SORCS2: variants seen among roughly 807,000 people sequenced by gnomAD.
SORCS2 encodes VPS10 domain-containing receptor SorCS2.
In SORCS2, 100 loss-of-function variants were observed where a neutral mutation model predicts 141.6. The observed-to-expected ratio is 0.71, with a 90% CI of 0.60 to 0.83. The LOEUF is 0.83. Among genes scored for constraint, SORCS2 ranks in the 40% least tolerant of loss-of-function variants. SORCS2 has a pLI of 0.00. For missense variants in SORCS2, 1,646 were observed against 1,560.2 expected, an observed-to-expected ratio of 1.05 and a Z score of -0.93; for synonymous variants, 789 against 676.9, an observed-to-expected ratio of 1.17 and a Z score of -2.57.
chr4:7,360,571 CTTTTTTTTTTTTTT>C (rs753548897), intron 1 of SORCS2, among the ~76,000 whole-genome samples: 2 of 49,272 alleles, frequency 4.1e-5, no homozygotes, highest in African/African-American at 2.0e-4. Context: ...CCAGTCCCTT[CTTTTTTTTTTTTTT>C]TTTTTTTTTT....
At chr4:7,410,867 G>A (rs1293994427) in intron 2 of SORCS2, among the ~76,000 whole-genome samples, 1 of 151,390 alleles carries the variant, frequency 6.6e-6, no homozygotes, top group East Asian at 1.9e-4. Context: ...GACAAGATCT[G>A]AGGTGACTGA....
intron 2 of SORCS2, among the ~76,000 whole-genome samples, chr4:7,403,997 A>ATATATATATATATATATATAT (rs1265288820): frequency 2.6e-4 from 5 of 18,934 alleles, no homozygotes; most frequent in East Asian, 1.3e-3. Context: ...ATATATATAT[A>ATATATATATATATATATATAT]TTTTTTTTTT....
chr4:7,248,133 CGACT>C (rs1224948756), intron 1 of SORCS2, among the ~76,000 whole-genome samples: 2 of 152,168 alleles, frequency 1.3e-5, no homozygotes, highest in Non-Finnish European at 2.9e-5. Flanking sequence ...GCTTAGCCAC[CGACT>C]GTGTGTGGCC....
At chr4:7,285,248 G>T (rs977728894) in intron 1 of SORCS2, among the ~76,000 whole-genome samples, 1 of 151,972 alleles carries the variant, frequency 6.6e-6, no homozygotes, top group African/African-American at 2.4e-5. Context: ...GGTCAGGCTG[G>T]TCTCGAACTC....
chr4:7,342,646 G>T (rs1720430817), intron 1 of SORCS2, among the ~76,000 whole-genome samples: 1 of 152,066 alleles, frequency 6.6e-6, no homozygotes, highest in African/African-American at 2.4e-5. Context: ...TAAACACAGG[G>T]AAGAAGCCCT....
At chr4:7,518,737 C>T (rs1258806915) in intron 2 of SORCS2, among the ~76,000 whole-genome samples, 1 of 152,148 alleles carries the variant, frequency 6.6e-6, no homozygotes, top group Non-Finnish European at 1.5e-5. Flanking sequence ...CCGGTTTTCT[C>T]TCAGCCCATG....
At chr4:7,673,808 C>T (rs951911654) in intron 8 of SORCS2, among the ~76,000 whole-genome samples, 4 of 152,162 alleles carry the variant, frequency 2.6e-5, no homozygotes, top group African/African-American at 4.8e-5. Context: ...ACATGGTTGA[C>T]GCCAAGCCCC....
intron 3 of SORCS2, among the ~76,000 whole-genome samples, chr4:7,589,425 CAG>C (rs1395063566): frequency 1.1e-4 from 17 of 151,896 alleles, no homozygotes; most frequent in Admixed American, 6.6e-5. Flanking sequence ...TGTTTTGAGA[CAG>C]AGTCTCGCTC....
intron 2 of SORCS2, among the ~76,000 whole-genome samples, chr4:7,485,335 C>G (rs115728541): frequency 6.6e-6 from 1 of 152,246 alleles, no homozygotes; most frequent in Non-Finnish European, 1.5e-5. Context: ...CCAGGCAGAG[C>G]CCCTGGGCCA....
At chr4:7,517,428 C>G (rs891599971) in intron 2 of SORCS2, among the ~76,000 whole-genome samples, 2 of 152,324 alleles carry the variant, frequency 1.3e-5, no homozygotes, top group African/African-American at 4.8e-5. Flanking sequence ...TCAGATGGCT[C>G]TGACCTCATC....
rs1577861281 is a variant in SORCS2 at position 7,627,579 on chromosome 4, G to C, written c.649-10749G>C. The stretch of plus-strand genomic sequence containing the variant: ...CTTGCCCTGATTCCCATTTGGCAGA[G>C]AGCTTTTATTTGAGGGGCAAAGCTC... On this transcript the variant is annotated intron_variant, in intron 3 of 26. Transcript: ENST00000507866. Among the ~76,000 whole-genome samples, 9 of 152,330 alleles carry C rather than the reference G, an allele frequency of 5.9e-5. No homozygotes were observed. The South Asian group carries it at 1.9e-3, about 32-fold the overall frequency.
chr4:7,600,652 TATATACACAC>T (rs757319598), intron 3 of SORCS2, among the ~76,000 whole-genome samples: 160 of 96,346 alleles, frequency 1.7e-3, no homozygotes, highest in African/African-American at 5.5e-3. Context: ...TATACATATA[TATATACACAC>T]ACACACACAC....
chr4:7,354,915 A>G (rs907729292), intron 1 of SORCS2, among the ~76,000 whole-genome samples: 2 of 152,308 alleles, frequency 1.3e-5, no homozygotes, highest in African/African-American at 4.8e-5. Context: ...AGCACTTCTT[A>G]TATTTCATAG....
intron 3 of SORCS2, among the ~76,000 whole-genome samples, chr4:7,620,066 TTCTTCCTCC>T (rs1294194886): frequency 1.3e-5 from 2 of 151,394 alleles, no homozygotes; most frequent in Admixed American, 6.6e-5. Flanking sequence ...CTTCCTCCTC[TTCTTCCTCC>T]TCTTCCTCCT....
chr4:7,487,550 C>T (rs898117370), intron 2 of SORCS2, among the ~76,000 whole-genome samples: 10 of 152,224 alleles, frequency 6.6e-5, no homozygotes, highest in African/African-American at 2.2e-4. Context: ...TCTCCTTTGC[C>T]TGCACTAGAG....
chr4:7,352,477 G>C (rs183492416), intron 1 of SORCS2, among the ~76,000 whole-genome samples: 1 of 152,364 alleles, frequency 6.6e-6, no homozygotes, highest in Admixed American at 6.5e-5. Flanking sequence ...GCATCTTGCT[G>C]TCTCTCAAAT....
chr4:7,232,177 G>C (rs1269923881), intron 1 of SORCS2, among the ~76,000 whole-genome samples: 1 of 152,192 alleles, frequency 6.6e-6, no homozygotes, highest in African/African-American at 2.4e-5. Context: ...GGCCCTGGGG[G>C]AAGCATGGGC....
intron 2 of SORCS2, among the ~76,000 whole-genome samples, chr4:7,451,377 C>T (rs1366419377): frequency 6.6e-6 from 1 of 152,270 alleles, no homozygotes; most frequent in African/African-American, 2.4e-5. Context: ...CCCTTGGCCT[C>T]AGTTTCCCAT....
intron 3 of SORCS2, among the ~76,000 whole-genome samples, chr4:7,551,737 G>T (rs1239307020): frequency 1.3e-5 from 2 of 152,166 alleles, no homozygotes; most frequent in African/African-American, 4.8e-5. Flanking sequence ...ATTCAGCATC[G>T]AACTCCAGGC....
Sources: allele counts gnomAD v4.1 joint callset (sites outside exome capture counted in the v4.1 genomes callset), GRCh38; gene constraint gnomAD v4.1.1; transcripts MANE v1.5; gene names NCBI Gene and HGNC (gene_info 2026-07-23, HGNC 2026-07-21).